The following TTC19 variants were observed in gnomAD, a reference collection of about 807,000 sequenced individuals.
The protein encoded by TTC19 is tetratricopeptide repeat domain 19.
TTC19 carries 38 observed loss-of-function variants against 49.5 expected under a neutral mutation model. That is an observed-to-expected ratio of 0.77 (90% CI 0.59 to 1.01). The LOEUF is 1.01. Ranked by LOEUF, TTC19 falls within the 50% of genes least tolerant of loss-of-function variation. The pLI is 0.00. For missense variants in TTC19, 475 were observed against 477.7 expected (o/e 0.99, Z 0.05); for synonymous variants, 204 against 185.2 (o/e 1.10, Z -0.83).
At chr17:16,016,567 T>C (rs2151666807) in intron 7 of TTC19, among the ~76,000 whole-genome samples, 1 of 147,588 alleles carries the variant, frequency 6.8e-6, no homozygotes, top group East Asian at 1.9e-4. Context: ...TTTTTTTTTT[T>C]TTTTTTTTGG....
At position 16,039,647 on chromosome 17, in the gene TTC19, A is replaced by C. The variant is rs1014686017; in HGVS notation, c.248-4856A>C. ...CAGCAAAAGAATGGCCTCTAGAGCTAACTGAGCCTGAAAGAGAATCAAAAA... is the reference window on the plus strand; with the variant it reads ...CAGCAAAAGAATGGCCTCTAGAGCTCACTGAGCCTGAAAGAGAATCAAAAA... On this transcript the variant is annotated intron_variant, in intron 2 of 2. Coordinates refer to the TTC19 transcript ENST00000470649. 6.2e-6 allele frequency: 10 copies of C among 1,613,482 alleles called. No homozygotes were observed. In the African/African-American group the frequency reaches 1.1e-4, roughly 17 times the overall value.
downstream of TTC19, among the ~76,000 whole-genome samples, chr17:16,033,022 G>A (rs1567607881): frequency 6.6e-6 from 1 of 152,112 alleles, no homozygotes; most frequent in Non-Finnish European, 1.5e-5. Context: ...ATGTTTAACT[G>A]TCCCCAGAAA....
chr17:16,041,263 T>C (rs947271258), intron 2 of TTC19: 2 of 152,156 alleles, frequency 1.3e-5, no homozygotes, highest in Admixed American at 1.3e-4. Context: ...AATAAAGCAG[T>C]GTGCCAGAAA....
chr17:16,012,745 T>G (rs1020821879), intron 7 of TTC19, among the ~76,000 whole-genome samples: 1 of 151,876 alleles, frequency 6.6e-6, no homozygotes, highest in African/African-American at 2.4e-5. Context: ...TCCATGTTGG[T>G]CAGGCTGGTC....
chr17:16,020,819 C>T (rs930152896), intron 7 of TTC19, among the ~76,000 whole-genome samples: 10 of 152,014 alleles, frequency 6.6e-5, no homozygotes, highest in East Asian at 3.9e-4. Context: ...AGTACAGGCA[C>T]GTGCCACCAT....
At chr17:16,040,874 A>G (rs2057428184) in intron 2 of TTC19, 1 of 192,476 alleles carries the variant, frequency 5.2e-6, no homozygotes, top group South Asian at 9.7e-5. Flanking sequence ...CTGTTTACCA[A>G]AAATAAATAA....
intron 2 of TTC19, among the ~76,000 whole-genome samples, chr17:16,042,191 A>G (rs1266393751): frequency 6.6e-6 from 1 of 152,210 alleles, no homozygotes; most frequent in Non-Finnish European, 1.5e-5. Context: ...AGAACTAGAA[A>G]ACAATGGCCA....
intron 2 of TTC19, among the ~76,000 whole-genome samples, chr17:16,038,241 T>G (rs1402308926): frequency 6.6e-6 from 1 of 152,216 alleles, no homozygotes; most frequent in African/African-American, 2.4e-5. Context: ...AGAAAAAGGT[T>G]GTAAGATTAA....
At chr17:16,041,571 T>C (rs545580495) in intron 2 of TTC19, among the ~76,000 whole-genome samples, 20 of 150,616 alleles carry the variant, frequency 1.3e-4, no homozygotes, top group East Asian at 9.9e-4. Flanking sequence ...CCCGCCACCA[T>C]GCCCAGCTAA....
At chr17:16,021,197 C>A (rs1046642130) in intron 7 of TTC19, among the ~76,000 whole-genome samples, 3 of 152,106 alleles carry the variant, frequency 2.0e-5, no homozygotes, top group African/African-American at 7.2e-5. Context: ...ACCAGCCTGG[C>A]AAATATTGTG....
At chr17:16,039,520 T>C (rs753533227) in intron 2 of TTC19, 3 of 1,614,074 alleles carry the variant, frequency 1.9e-6, no homozygotes, top group East Asian at 2.2e-5. Context: ...ACTACTCCCA[T>C]AGGCTGGGAC....
chr17:16,010,838 G>A (rs1193782206), intron 7 of TTC19, among the ~76,000 whole-genome samples: 1 of 152,148 alleles, frequency 6.6e-6, no homozygotes, highest in Non-Finnish European at 1.5e-5. Flanking sequence ...ATATAAAATT[G>A]CTATTTCCTA....
intron 2 of TTC19, chr17:16,035,012 T>G: frequency 2.1e-6 from 3 of 1,449,820 alleles, no homozygotes; most frequent in Non-Finnish European, 2.8e-6. Context: ...ATGCTAATGA[T>G]TATATATTGC....
rs770877383 is a variant in TTC19, at chr17:16,027,894, T to C, written c.*372T>C. 1 of 461,650 alleles carries C rather than the reference T, an allele frequency of 2.2e-6. No homozygotes were observed. The highest frequency in any genetic ancestry group is 1.5e-5 in the South Asian group (1 of 64,562). The allele number at this position is 461,650 out of a possible 1,614,324, so 28.6% of individuals were successfully genotyped here. A position where few individuals can be genotyped will look rare whatever the true frequency, so the allele number is the denominator to read the frequency against. On this transcript the variant is annotated 3_prime_UTR_variant, in exon 10 of 10. Coordinates refer to ENST00000261647, the MANE Select transcript of TTC19 (RefSeq NM_017775.4). ...ACCATAAGTTTTTGGTCTGCTGATT[T>C]GCTGCCCTGTCTTCTCTTACTTTAC...
At chr17:16,001,186 T>G (rs1970717909) in intron 2 of TTC19, among the ~76,000 whole-genome samples, 1 of 151,978 alleles carries the variant, frequency 6.6e-6, no homozygotes, top group Non-Finnish European at 1.5e-5. Context: ...CATCTCCTTG[T>G]CAGAAAGCTC....
rs1354427311 is a variant in TTC19, at chr17:16,028,913, A to G, written c.*1391A>G. 3 of 424,596 alleles carry G rather than the reference A, an allele frequency of 7.1e-6. No individual in the cohort carries two copies. The highest frequency in any genetic ancestry group is 1.4e-5 in the Non-Finnish European group (3 of 218,376). The allele number at this position is 424,596 out of a possible 1,614,324, so 26.3% of individuals were successfully genotyped here. A position where few individuals can be genotyped will look rare whatever the true frequency, so the allele number is the denominator to read the frequency against. On this transcript the variant is annotated 3_prime_UTR_variant, in exon 10 of 10. Coordinates refer to ENST00000261647, the MANE Select transcript of TTC19 (RefSeq NM_017775.4). Reference sequence around the variant, plus strand: ...AATCCTCAGGGATTAGACTAAAACTAGAGTTTTGTATGTTGCAGATGTAAA... The same window carrying G: ...AATCCTCAGGGATTAGACTAAAACTGGAGTTTTGTATGTTGCAGATGTAAA...
At chr17:16,044,345 G>T in intron 2 of TTC19, 28 of 460,782 alleles carry the variant, frequency 6.1e-5, no homozygotes, top group Admixed American at 2.0e-4. Context: ...TTTTTTCCTT[G>T]GTGTTCAACA....
At chr17:16,036,923 GCTAA>G (rs901434296) in intron 2 of TTC19, among the ~76,000 whole-genome samples, 24 of 152,264 alleles carry the variant, frequency 1.6e-4, no homozygotes, top group East Asian at 9.6e-4. Context: ...TCACAATTTG[GCTAA>G]CTGTTTGGCA....
intron 7 of TTC19, among the ~76,000 whole-genome samples, chr17:16,020,560 A>C (rs76804871): frequency 0.025 from 3,751 of 152,232 alleles, 166 homozygotes; most frequent in African/African-American, 0.085. Context: ...ACATCTCTAT[A>C]TTGGGTTTTC....
Sources: gnomAD v4.1 joint callset for allele counts (sites outside exome capture counted in the v4.1 genomes callset) on GRCh38, gnomAD v4.1.1 for gene constraint, MANE v1.5 for transcripts, NCBI Gene and HGNC (gene_info 2026-07-23, HGNC 2026-07-21) for gene names.